Variants in IFT57 observed in about 807,000 individuals in gnomAD.
IFT57 encodes intraflagellar transport protein 57 homolog.
IFT57 carries 59 observed loss-of-function variants against 56.8 expected under a neutral mutation model. The observed-to-expected ratio is 1.04, with a 90% confidence interval of 0.84 to 1.29. IFT57 has a LOEUF of 1.29. Among genes scored for constraint, IFT57 ranks in the 50% most tolerant of loss-of-function variants. The pLI, the probability that IFT57 is intolerant of heterozygous loss-of-function variation, is 0.00. For synonymous variants in IFT57, 209 were observed against 186.1 expected, an observed-to-expected ratio of 1.12 and a Z score of -1.00; for missense variants, 470 against 522.1, an observed-to-expected ratio of 0.90 and a Z score of 0.97.
chr3:108,197,104 C>T (rs1361474355), intron 5 of IFT57, among the ~76,000 whole-genome samples: 1 of 152,070 alleles, frequency 6.6e-6, no homozygotes, highest in African/African-American at 2.4e-5. Context: ...TAATATAAAG[C>T]ATTGCTTTTG....
intron 3 of IFT57, among the ~76,000 whole-genome samples, chr3:108,216,350 C>T (rs368715333): frequency 1.3e-5 from 2 of 152,102 alleles, no homozygotes; most frequent in East Asian, 1.9e-4. Flanking sequence ...TACATAGAAA[C>T]GGCCAACAGA....
chr3:108,184,268 A>G (rs1217659895), intron 6 of IFT57, among the ~76,000 whole-genome samples: 3 of 152,154 alleles, frequency 2.0e-5, no homozygotes, highest in Non-Finnish European at 4.4e-5. Flanking sequence ...TTCTCTGGAT[A>G]CATAACCACC....
In IFT57 at chr3:108,166,573, T is replaced by TAGA. The variant is rs2080064369; in HGVS notation, c.981+280_981+281insTCT. Among the ~76,000 whole-genome samples, 9 of 152,196 alleles carry TAGA rather than the reference T, an allele frequency of 5.9e-5. No homozygotes were observed. The South Asian group carries it at 1.9e-3, about 32-fold the overall frequency. ...AGCAAAACCAGGTGTCCTGATACTC[T>TAGA]GTTCCTGTTCTAAGCTATGTTCCCC... On this transcript the variant is annotated intron_variant, in intron 8 of 10. Coordinates refer to ENST00000264538, the MANE Select transcript of IFT57 (RefSeq NM_018010.4).
intron 6 of IFT57, among the ~76,000 whole-genome samples, chr3:108,187,061 G>T (rs1487394753): frequency 6.6e-6 from 1 of 151,986 alleles, no homozygotes; most frequent in African/African-American, 2.4e-5. Context: ...AAATGCACAG[G>T]GGTTGGCATC....
intron 5 of IFT57, among the ~76,000 whole-genome samples, chr3:108,206,004 T>A (rs1450878448): frequency 0.093 from 11,164 of 120,392 alleles, 559 homozygotes; most frequent in Non-Finnish European, 0.1. Flanking sequence ...TTATGTTATA[T>A]ATTACTTATA....
intron 3 of IFT57, 164 bp downstream of exon 3, chr3:108,218,371 C>A: frequency 2.2e-6 from 1 of 449,794 alleles, no homozygotes; most frequent in Non-Finnish European, 4.0e-6. Context: ...AGACGTGAGA[C>A]ATTCTAATTT....
intron 1 of IFT57, 107 bp from the exon 2 acceptor site, chr3:108,219,679 C>T: frequency 8.5e-7 from 1 of 1,171,122 alleles, no homozygotes; most frequent in Admixed American, 2.1e-5. Flanking sequence ...TTCTTCCCCC[C>T]AAATGGCCAT....
intron 5 of IFT57, among the ~76,000 whole-genome samples, chr3:108,205,032 A>G (rs1343777291): frequency 6.6e-6 from 1 of 152,116 alleles, no homozygotes; most frequent in Non-Finnish European, 1.5e-5. Context: ...TATATTTTCA[A>G]TTGATCAATA....
At chr3:108,207,035 G>A (rs1458899430) in intron 4 of IFT57, among the ~76,000 whole-genome samples, 2 of 152,054 alleles carry the variant, frequency 1.3e-5, no homozygotes, top group African/African-American at 4.8e-5. Flanking sequence ...CCAAGTGGCT[G>A]GCATATTTGG....
chr3:108,202,433 A>G (rs949670804), intron 5 of IFT57, among the ~76,000 whole-genome samples: 7 of 152,178 alleles, frequency 4.6e-5, no homozygotes, highest in Admixed American at 6.5e-5. Context: ...ATATTCTACT[A>G]TACTTCTAAA....
At chr3:108,164,231 C>T (rs2080048975) in intron 9 of IFT57, among the ~76,000 whole-genome samples, 1 of 151,886 alleles carries the variant, frequency 6.6e-6, no homozygotes. Flanking sequence ...TAAGAATATT[C>T]TTATTGCTTT....
chr3:108,200,475 G>A (rs952716213), intron 5 of IFT57, among the ~76,000 whole-genome samples: 2 of 151,982 alleles, frequency 1.3e-5, no homozygotes, highest in African/African-American at 4.8e-5. Context: ...TTTGAGAGAT[G>A]GGTGGGTTTA....
At chr3:108,209,427 T>G (rs1330572728) in intron 4 of IFT57, among the ~76,000 whole-genome samples, 2 of 152,056 alleles carry the variant, frequency 1.3e-5, no homozygotes, top group Non-Finnish European at 2.9e-5. Flanking sequence ...TGGTCTTTAT[T>G]TGAAGATTAT....
Position 108,167,883 on chromosome 3 carries a change from T to C in IFT57, c.778-19A>G, listed in dbSNP as rs558374117. The C allele has an allele frequency of 1.1e-5, 17 of 1,540,962 alleles. No homozygotes were observed. Among genetic ancestry groups the C allele is most frequent in the South Asian group, 9.8e-5 (8 of 81,968 alleles). On this transcript the variant is annotated intron_variant, in intron 6 of 10. Coordinates refer to ENST00000264538, the MANE Select transcript of IFT57 (RefSeq NM_018010.4). ...TCCAATCCTACAGGCATAGAGCACA[T>C]AGAAATAATGTAAAAAATACTACAT...
chr3:108,221,216 T>C (rs1238062714), intron 1 of IFT57, among the ~76,000 whole-genome samples: 1 of 152,234 alleles, frequency 6.6e-6, no homozygotes, highest in African/African-American at 2.4e-5. Context: ...GGGAAATTAT[T>C]TGAGCCTGGC....
At chr3:108,187,833 C>G (rs1345268144) in intron 6 of IFT57, among the ~76,000 whole-genome samples, 1 of 147,668 alleles carries the variant, frequency 6.8e-6, no homozygotes, top group Admixed American at 6.6e-5. Flanking sequence ...TAATACATTT[C>G]TTTTCTTTTC....
chr3:108,206,013 TATATA>T (rs1342557782), intron 5 of IFT57, among the ~76,000 whole-genome samples: 10,535 of 122,212 alleles, frequency 0.086, 507 homozygotes, highest in Non-Finnish European at 0.1. Flanking sequence ...ATATTACTTA[TATATA>T]ATATATTGTA....
At chr3:108,183,189 C>T (rs764250239) in intron 6 of IFT57, among the ~76,000 whole-genome samples, 4 of 151,798 alleles carry the variant, frequency 2.6e-5, no homozygotes, top group Middle Eastern at 3.2e-3. Flanking sequence ...AAAAAACTTG[C>T]CTTGAAAAAA....
chr3:108,196,205 A>C (rs2080243587), intron 5 of IFT57, among the ~76,000 whole-genome samples: 1 of 152,214 alleles, frequency 6.6e-6, no homozygotes, highest in African/African-American at 2.4e-5. Flanking sequence ...GGTGAACTGA[A>C]GCTAGATGCT....
Sources: gnomAD v4.1 joint callset for allele counts (sites outside exome capture counted in the v4.1 genomes callset) on GRCh38, gnomAD v4.1.1 for gene constraint, MANE v1.5 for transcripts, NCBI Gene and HGNC (gene_info 2026-07-23, HGNC 2026-07-21) for gene names.